The following SORBS2 variants were observed in gnomAD, a reference collection of about 807,000 sequenced individuals.
SORBS2 encodes the protein sorbin and SH3 domain-containing protein 2.
A neutral mutation model predicts 97.7 loss-of-function variants in SORBS2; 46 were observed. The ratio of observed to expected loss-of-function variants is 0.47; its 90% CI spans 0.37 to 0.60. The LOEUF (loss-of-function observed/expected upper bound fraction) is 0.60, where lower values mean the gene tolerates loss of function less well. Among genes scored for constraint, SORBS2 ranks in the 20% least tolerant of loss-of-function variants. SORBS2 has a pLI of 0.00. For synonymous variants in SORBS2, 476 were observed against 473.4 expected (o/e 1.01, Z -0.07); for missense variants, 1,316 against 1,282.3 (o/e 1.03, Z -0.40).
chr4:185,671,619 T>C (rs1034477907), intron 4 of SORBS2, among the ~76,000 whole-genome samples: 2 of 152,184 alleles, frequency 1.3e-5, no homozygotes, highest in African/African-American at 4.8e-5. Context: ...AAAATTAAAA[T>C]GCTGGGAAGG....
At position 185,623,788 on chromosome 4, in the gene SORBS2, T is replaced by C; in HGVS notation, c.1341A>G (p.Leu447=). Reference sequence around the variant, plus strand: ...CAATGGAAAACCGCCTCTTGGGACATAGGCCATTTTGCGGTGGTTCTAGGG... The same window carrying C: ...CAATGGAAAACCGCCTCTTGGGACACAGGCCATTTTGCGGTGGTTCTAGGG... The change falls in exon 7 of 15, where the codon CTA becomes CTG. Residue 447 remains leucine, a synonymous_variant. Transcript: ENST00000418609. This position sits in a 1 kb window ranked among gnomAD's most constrained non-coding sequence, Gnocchi z 6.4. 3 of 1,613,872 alleles carry C rather than the reference T, an allele frequency of 1.9e-6. No individual in the cohort carries two copies. Among genetic ancestry groups the C allele is most frequent in the Non-Finnish European group, 2.5e-6 (3 of 1,179,954 alleles).
intron 1 of SORBS2, among the ~76,000 whole-genome samples, chr4:185,904,559 T>C (rs980300550): frequency 2.6e-5 from 4 of 152,234 alleles, no homozygotes; most frequent in Admixed American, 2.6e-4. Flanking sequence ...AAAGTTCCTC[T>C]GACTTGGTGT....
chr4:185,881,245 A>G lies in SORBS2; in HGVS notation c.-338+74951T>C, dbSNP rs1317403513. 2.0e-5 allele frequency among the ~76,000 whole-genome samples: 3 copies of G among 152,190 alleles called. No homozygotes were observed. The East Asian group carries it at 5.8e-4, about 29-fold the overall frequency. ...CAATACATTAGAGACAGCAATCAACATATGAGAGTGAAAGCATGGGAAAGG... is the reference window on the plus strand; with the variant it reads ...CAATACATTAGAGACAGCAATCAACGTATGAGAGTGAAAGCATGGGAAAGG... On this transcript the variant is annotated intron_variant, in intron 1 of 20. Transcript: ENST00000284776.
chr4:185,630,624 T>C (rs2096891151), intron 4 of SORBS2, 26 bp from the exon 17 acceptor site: 1 of 1,525,660 alleles, frequency 6.6e-7, no homozygotes, highest in Non-Finnish European at 8.9e-7. Flanking sequence ...AATAGTACCA[T>C]GAAAAATTTT....
chr4:185,852,143 A>AT (rs1197230598), intron 1 of SORBS2, among the ~76,000 whole-genome samples: 5 of 152,204 alleles, frequency 3.3e-5, no homozygotes, highest in African/African-American at 9.7e-5. Flanking sequence ...GAGTCAACAC[A>AT]GCTACAGGCA....
intron 4 of SORBS2, among the ~76,000 whole-genome samples, chr4:185,636,724 C>G (rs1270364022): frequency 6.6e-6 from 1 of 151,192 alleles, no homozygotes; most frequent in East Asian, 1.9e-4. Flanking sequence ...TCCCAGCTCA[C>G]TGCAATCTCC....
chr4:185,800,667 C>G (rs1314741816), intron 1 of SORBS2, among the ~76,000 whole-genome samples: 2 of 152,174 alleles, frequency 1.3e-5, no homozygotes, highest in African/African-American at 2.4e-5. Context: ...CTCTCCCTCT[C>G]TCCTCTTTTC....
chr4:185,817,645 T>C (rs1234602660), intron 1 of SORBS2, among the ~76,000 whole-genome samples: 3 of 152,180 alleles, frequency 2.0e-5, no homozygotes, highest in Admixed American at 6.5e-5. Context: ...CACGGCATTG[T>C]TGAATTAGTA....
At chr4:185,809,114 G>C (rs950855574) in intron 1 of SORBS2, among the ~76,000 whole-genome samples, 3 of 152,006 alleles carry the variant, frequency 2.0e-5, no homozygotes, top group Admixed American at 6.6e-5. Context: ...TTGATAAAAG[G>C]CAGTATTAGG....
intron 1 of SORBS2, among the ~76,000 whole-genome samples, chr4:185,832,711 C>T (rs1226012429): frequency 6.6e-6 from 1 of 152,134 alleles, no homozygotes; most frequent in Non-Finnish European, 1.5e-5. Flanking sequence ...TATTTAAAAG[C>T]ACATTTGGTT....
intron 1 of SORBS2, among the ~76,000 whole-genome samples, chr4:185,907,153 A>T (rs2099251444): frequency 1.3e-5 from 2 of 151,844 alleles, no homozygotes; most frequent in South Asian, 4.2e-4. Flanking sequence ...AAAAAAAAAA[A>T]AGAGGAATGA....
intron 1 of SORBS2, among the ~76,000 whole-genome samples, chr4:185,930,111 C>G (rs996749175): frequency 1.1e-4 from 16 of 152,260 alleles, no homozygotes; most frequent in African/African-American, 2.9e-4. Flanking sequence ...AGAATCAGAA[C>G]AGGATGCTAA....
In SORBS2 at chr4:185,606,132, C is replaced by T; in HGVS notation, c.2796+5648G>A. On this transcript the variant is annotated intron_variant, in intron 12 of 14. Coordinates refer to ENST00000418609, the Ensembl canonical transcript of SORBS2. The surrounding 1 kb of genome is among the most constrained non-coding windows in gnomAD (Gnocchi z 4.3). ...GCCGTTATGTCAAAGGTATGGTGTA[C>T]AGTTTCTCATCCTGGAATAGGACAA... 1.0e-6 allele frequency: 1 copy of T among 985,288 alleles called. No homozygotes were observed. The highest frequency in any genetic ancestry group is 1.2e-6 in the Non-Finnish European group (1 of 829,886). The allele number at this position is 985,288 out of a possible 1,614,324, so 61.0% of individuals were successfully genotyped here. A position where few individuals can be genotyped will look rare whatever the true frequency, so the allele number is the denominator to read the frequency against.
chr4:185,912,664 A>C (rs2099255968), intron 1 of SORBS2, among the ~76,000 whole-genome samples: 1 of 151,732 alleles, frequency 6.6e-6, no homozygotes, highest in Non-Finnish European at 1.5e-5. Context: ...TCAAAACAAG[A>C]AGCTGTCACT....
intron 1 of SORBS2, among the ~76,000 whole-genome samples, chr4:185,776,128 A>G (rs115712263): frequency 0.01 from 1,521 of 152,028 alleles, 29 homozygotes; most frequent in African/African-American, 0.035. Context: ...CATTCAGCAA[A>G]TATTTATTTG....
At position 185,801,043 on chromosome 4, in the gene SORBS2, C is replaced by T. The variant is rs534086711; in HGVS notation, c.-337-25677G>A. Among the ~76,000 whole-genome samples the T allele has an allele frequency of 1.6e-4, 24 of 152,252 alleles. No individual in the cohort carries two copies. The East Asian group carries it at 4.6e-3, about 29-fold the overall frequency. Reference sequence around the variant, plus strand: ...AGTCTGTGCCCTTTGACCTCATTTTCCTCCCCCCACCAATTCCTGGCAACC... The same window carrying T: ...AGTCTGTGCCCTTTGACCTCATTTTTCTCCCCCCACCAATTCCTGGCAACC... On this transcript the variant is annotated intron_variant, in intron 1 of 20. Coordinates refer to the SORBS2 transcript ENST00000284776.
intron 1 of SORBS2, among the ~76,000 whole-genome samples, chr4:185,901,143 G>A (rs1161859628): frequency 6.6e-6 from 1 of 152,050 alleles, no homozygotes; most frequent in Non-Finnish European, 1.5e-5. Context: ...TACATATACT[G>A]TGTAGACTAT....
intron 1 of SORBS2, chr4:185,933,216 A>T (rs1193775450): frequency 3.9e-5 from 6 of 152,210 alleles, no homozygotes; most frequent in African/African-American, 1.4e-4. Flanking sequence ...ACAGTTTCAT[A>T]TGTTGGTAAA....
intron 2 of SORBS2, among the ~76,000 whole-genome samples, chr4:185,693,537 G>A (rs2098128832): frequency 6.6e-6 from 1 of 152,182 alleles, no homozygotes; most frequent in Non-Finnish European, 1.5e-5. Flanking sequence ...TCTAAAACAA[G>A]AAGGGATAAA....
Sources: gnomAD v4.1 joint callset for allele counts (sites outside exome capture counted in the v4.1 genomes callset) on GRCh38, gnomAD v4.1.1 for gene constraint, Gnocchi (gnomAD v3.1) non-coding constraint, MANE v1.5 for transcripts, NCBI Gene and HGNC (gene_info 2026-07-23, HGNC 2026-07-21) for gene names.